The following SPAM1 variants were observed in gnomAD, a reference collection of about 807,000 sequenced individuals.
The protein encoded by SPAM1 is hyaluronidase PH-20.
A neutral mutation model predicts 29.6 loss-of-function variants in SPAM1; 22 were observed. The observed-to-expected ratio is 0.74, with a 90% CI of 0.53 to 1.06. SPAM1 has a LOEUF of 1.06. Ranked by LOEUF, SPAM1 falls within the 50% of genes least tolerant of loss-of-function variation. The pLI is 0.00. For synonymous variants in SPAM1, 194 were observed against 204.6 expected (o/e 0.95, Z 0.44); for missense variants, 534 against 604.0 (o/e 0.88, Z 1.21).
At chr7:123,970,229 G>A in exon 6 of SPAM1, 1 of 1,549,198 alleles carries the variant, frequency 6.5e-7, no homozygotes, top group South Asian at 1.2e-5. Flanking sequence ...CAAGGTATTA[G>A]CAGAATTGGT....
At chr7:123,952,778 G>C (rs945580823) in intron 2 of SPAM1, among the ~76,000 whole-genome samples, 2 of 151,668 alleles carry the variant, frequency 1.3e-5, no homozygotes, top group Middle Eastern at 3.2e-3. Context: ...AGATGTGATC[G>C]AGCAGCGTAC....
chr7:123,951,263 T>A (rs1380695863), intron 2 of SPAM1, among the ~76,000 whole-genome samples: 1 of 152,152 alleles, frequency 6.6e-6, no homozygotes, highest in African/African-American at 2.4e-5. Context: ...TTTAGTTTAA[T>A]AAAGTCCAGT....
At chr7:123,932,507 G>A (rs575613548) in intron 1 of SPAM1, 1 of 152,790 alleles carries the variant, frequency 6.5e-6, no homozygotes, top group East Asian at 1.9e-4. Context: ...CACAGAGCTG[G>A]TTGAACCATT....
downstream of SPAM1, chr7:123,960,142 T>C: frequency 1.2e-6 from 1 of 828,814 alleles, no homozygotes; most frequent in Non-Finnish European, 1.8e-6. Flanking sequence ...CACTGCTATA[T>C]TGTATGAATT....
intron 5 of SPAM1, chr7:123,970,169 A>G (rs1202788781): frequency 7.8e-6 from 12 of 1,547,126 alleles, no homozygotes; most frequent in Non-Finnish European, 1.0e-5. Flanking sequence ...TAAACAACAG[A>G]AATTAATTTT....
chr7:123,952,893 G>GAAACAAAAAA (rs1792147266), intron 2 of SPAM1, among the ~76,000 whole-genome samples: 1 of 131,490 alleles, frequency 7.6e-6, no homozygotes, highest in Non-Finnish European at 1.6e-5. Context: ...GCTCCCCTTT[G>GAAACAAAAAA]AAAAAAAAAA....
rs1159486666 is a variant in SPAM1, at chr7:123,959,629, A to G, written c.1190A>G (p.Tyr397Cys). ...CIRKNWNSSD[Y>C]LHLNPDNFAI... ...AGGAAAAACTGGAATTCAAGTGACT[A>G]TCTTCACCTCAACCCAGATAATTTT... The change falls in exon 5 of 5, where the codon TAT becomes TGT. Residue 397 changes from tyrosine (Y) to cysteine (C), a missense_variant. By Grantham distance (194) the Tyr-to-Cys change is radical. Coordinates refer to ENST00000682466, the MANE Select transcript of SPAM1 (RefSeq NM_153189.3). 1 of 1,613,196 alleles carries G rather than the reference A, an allele frequency of 6.2e-7. No homozygotes were observed. Among genetic ancestry groups the G allele is most frequent in the Non-Finnish European group, 8.5e-7 (1 of 1,179,570 alleles).
chr7:123,928,202 G>A (rs983343150), intron 1 of SPAM1, among the ~76,000 whole-genome samples: 6 of 152,066 alleles, frequency 3.9e-5, no homozygotes, highest in African/African-American at 1.4e-4. Context: ...CTACTTACAG[G>A]AAAGGCTAAT....
chr7:123,947,053 TA>T (rs1808597454), intron 1 of SPAM1, among the ~76,000 whole-genome samples: 1 of 152,200 alleles, frequency 6.6e-6, no homozygotes, highest in Non-Finnish European at 1.5e-5. Context: ...TGAAAACTCA[TA>T]AAAGTAGTAT....
At chr7:123,927,077 A>G (rs1389103303) in intron 1 of SPAM1, among the ~76,000 whole-genome samples, 1 of 152,152 alleles carries the variant, frequency 6.6e-6, no homozygotes, top group Non-Finnish European at 1.5e-5. Context: ...TCCTTGTCTC[A>G]TAATATTATG....
downstream of SPAM1, among the ~76,000 whole-genome samples, chr7:123,963,716 G>A (rs1792388569): frequency 5.0e-5 from 7 of 139,998 alleles, no homozygotes; most frequent in South Asian, 1.6e-3. Flanking sequence ...CAATTCAAAA[G>A]TTTTTCATGG....
chr7:123,946,760 G>A (rs767877796), intron 1 of SPAM1, among the ~76,000 whole-genome samples: 6 of 152,090 alleles, frequency 3.9e-5, no homozygotes, highest in Non-Finnish European at 7.4e-5. Flanking sequence ...ACAAAATTTA[G>A]TCTGGTTCAG....
chr7:123,959,740 A>G lies in SPAM1; in HGVS notation c.1301A>G (p.Tyr434Cys). 6.2e-7 allele frequency: 1 copy of G among 1,613,310 alleles called. No individual in the cohort carries two copies. The highest frequency in any genetic ancestry group is 8.5e-7 in the Non-Finnish European group (1 of 1,179,564). ...EDLEQFSEKF[Y>C]CSCYSTLSCK... is the part of the protein sequence containing the mutation. ...CTGGAGCAATTTTCTGAAAAATTTT[A>G]TTGCAGCTGTTATAGCACCTTGAGT... The change falls in exon 5 of 5, where the codon TAT (tyrosine) becomes TGT (cysteine). Residue 434 changes from tyrosine (Y) to cysteine (C), a missense_variant. Transcript: ENST00000682466.
intron 1 of SPAM1, among the ~76,000 whole-genome samples, chr7:123,931,316 A>T (rs1563020667): frequency 6.6e-6 from 1 of 152,168 alleles, no homozygotes; most frequent in East Asian, 1.9e-4. Flanking sequence ...ACCTAAAAAT[A>T]TTACTCTAAC....
intron 1 of SPAM1, chr7:123,932,426 T>C (rs1808114622): frequency 6.6e-6 from 1 of 152,274 alleles, no homozygotes; most frequent in Admixed American, 6.5e-5. Flanking sequence ...ATAACCTTCA[T>C]GTGAATCTGT....
intron 4 of SPAM1, among the ~76,000 whole-genome samples, chr7:123,955,434 G>C (rs183847665): frequency 6.6e-6 from 1 of 151,912 alleles, no homozygotes; most frequent in Non-Finnish European, 1.5e-5. Context: ...CTCTATATCA[G>C]ATCTTTATCC....
intron 1 of SPAM1, among the ~76,000 whole-genome samples, chr7:123,926,809 G>C (rs957261663): frequency 6.6e-6 from 1 of 152,166 alleles, no homozygotes; most frequent in African/African-American, 2.4e-5. Context: ...TAAAGATAAA[G>C]GATTATGGAG....
chr7:123,969,364 G>A (rs1021600259), intron 5 of SPAM1, among the ~76,000 whole-genome samples: 6 of 151,910 alleles, frequency 3.9e-5, no homozygotes, highest in African/African-American at 7.2e-5. Context: ...TCTGTACCCA[G>A]GCCAATGTAG....
downstream of SPAM1, among the ~76,000 whole-genome samples, chr7:123,961,985 C>G (rs4308656): frequency 0.34 from 52,380 of 151,840 alleles, 10,701 homozygotes; most frequent in African/African-American, 0.57. Context: ...ATCTCCCACT[C>G]GATCCCTCCC....
Sources: allele counts gnomAD v4.1 joint callset (sites outside exome capture counted in the v4.1 genomes callset), GRCh38; gene constraint gnomAD v4.1.1; transcripts MANE v1.5; gene names NCBI Gene and HGNC (gene_info 2026-07-23, HGNC 2026-07-21).